SGCZ: variants seen among roughly 807,000 people sequenced by gnomAD.
The protein encoded by SGCZ is sarcoglycan zeta, also known as zeta-sarcoglycan.
A neutral mutation model predicts 41.3 loss-of-function variants in SGCZ; 40 were observed. The ratio of observed to expected loss-of-function variants is 0.97; its 90% CI spans 0.75 to 1.26. The LOEUF is 1.26. SGCZ is among the 50% of genes most tolerant of loss of function. The probability of loss-of-function intolerance (pLI) is 0.00; values close to 1 mark genes in which losing one functional copy is unlikely to be tolerated. For missense variants in SGCZ, 552 were observed against 369.8 expected, an observed-to-expected ratio of 1.49 and a Z score of -4.04; for synonymous variants, 206 against 137.5, an observed-to-expected ratio of 1.50 and a Z score of -3.49.
intron 2 of SGCZ, among the ~76,000 whole-genome samples, chr8:14,351,187 T>G (rs936398185): frequency 6.6e-6 from 1 of 152,214 alleles, no homozygotes; most frequent in Admixed American, 6.5e-5. Flanking sequence ...AAGAGCTACA[T>G]TCTTATTACT....
At chr8:14,488,328 C>T (rs1801738584) in intron 2 of SGCZ, among the ~76,000 whole-genome samples, 1 of 152,196 alleles carries the variant, frequency 6.6e-6, no homozygotes, top group Admixed American at 6.5e-5. Flanking sequence ...TTCTGCGTCC[C>T]ATCGCCACGG....
rs996103553 is a variant in SGCZ, at chr8:14,815,757, C to T, written c.40-260831G>A. 1.4e-4 allele frequency among the ~76,000 whole-genome samples: 21 copies of T among 152,236 alleles called. No homozygotes were observed. The East Asian group carries it at 4.1e-3, about 29-fold the overall frequency. ...GTGACTAAAATATTACAAATGAGGG[C>T]AATCTATTATACTATCTGATAATAT... On this transcript the variant is annotated intron_variant, in intron 1 of 7. Transcript: ENST00000382080.
At chr8:14,103,513 T>A (rs547888921) in intron 6 of SGCZ, among the ~76,000 whole-genome samples, 1 of 152,164 alleles carries the variant, frequency 6.6e-6, no homozygotes, top group African/African-American at 2.4e-5. Flanking sequence ...CAGAGTTGTT[T>A]TGCAGAAAGA....
Position 14,680,963 on chromosome 8 carries a change from G to GAAAAAAAAAAAAAAAAAAAAA in SGCZ, c.40-126038_40-126037insTTTTTTTTTTTTTTTTTTTTT, listed in dbSNP as rs374278969. On this transcript the variant is annotated intron_variant, in intron 1 of 7. Coordinates refer to ENST00000382080, the MANE Select transcript of SGCZ (RefSeq NM_139167.4). Reference sequence around the variant, plus strand: ...TGAAACATACAGAGGAAAAAGAGTGGGAAAAAAAAAAAAAAAAACAGAAAA... The same window carrying GAAAAAAAAAAAAAAAAAAAAA: ...TGAAACATACAGAGGAAAAAGAGTGGAAAAAAAAAAAAAAAAAAAAAGAAAAAAAAAAAAAAAAACAGAAAA... Among the ~76,000 whole-genome samples the GAAAAAAAAAAAAAAAAAAAAA allele has an allele frequency of 8.5e-5, 9 of 106,182 alleles. 1 individual carries two copies. The highest frequency in any genetic ancestry group is 1.7e-4 in the African/African-American group (4 of 22,924). The allele number at this position is 106,182 out of a possible 152,430, so 69.7% of individuals were successfully genotyped here. A position where few individuals can be genotyped will look rare whatever the true frequency, so the allele number is the denominator to read the frequency against.
chr8:14,341,488 G>A (rs563723503), intron 2 of SGCZ, among the ~76,000 whole-genome samples: 8 of 152,178 alleles, frequency 5.3e-5, no homozygotes, highest in Admixed American at 2.0e-4. Context: ...GTGAAGTGGG[G>A]TAACATCATT....
chr8:15,182,155 A>G (rs1800198372), intron 1 of SGCZ, among the ~76,000 whole-genome samples: 2 of 152,214 alleles, frequency 1.3e-5, no homozygotes, highest in Non-Finnish European at 2.9e-5. Flanking sequence ...ATAAAACTAA[A>G]TATGTGTACC....
At chr8:14,495,437 A>C (rs1252630358) in intron 2 of SGCZ, among the ~76,000 whole-genome samples, 1 of 152,186 alleles carries the variant, frequency 6.6e-6, no homozygotes, top group African/African-American at 2.4e-5. Context: ...CCCACTGAAA[A>C]ATCAAATAGA....
At chr8:14,851,718 T>G (rs191075786) in intron 1 of SGCZ, among the ~76,000 whole-genome samples, 1 of 152,330 alleles carries the variant, frequency 6.6e-6, no homozygotes, top group East Asian at 1.9e-4. Context: ...TCCATTTATA[T>G]ATATCTATCC....
intron 1 of SGCZ, among the ~76,000 whole-genome samples, chr8:14,929,992 A>C (rs183784675): frequency 6.6e-6 from 1 of 152,194 alleles, no homozygotes; most frequent in African/African-American, 2.4e-5. Flanking sequence ...TAATCAAGAT[A>C]AATCCTGACA....
In SGCZ at chr8:15,215,034, A is replaced by C. The variant is rs1033380020; in HGVS notation, c.39+22551T>G. ...GCTTCTTTAATTAAATGAGCAGGAT[A>C]GTTTGCATCTTTTAACATTTAATCT... On this transcript the variant is annotated intron_variant, in intron 1 of 7. Transcript: ENST00000382080. Among the ~76,000 whole-genome samples the C allele has an allele frequency of 4.6e-5, 7 of 152,182 alleles. No individual in the cohort carries two copies. In the East Asian group the frequency reaches 1.2e-3, roughly 25 times the overall value.
intron 1 of SGCZ, among the ~76,000 whole-genome samples, chr8:14,915,752 C>T (rs546278403): frequency 8.5e-5 from 13 of 152,224 alleles, no homozygotes; most frequent in African/African-American, 2.9e-4. Flanking sequence ...TGGTCCCTGC[C>T]TCCCTGCTTT....
chr8:14,833,339 A>C (rs1292910332), intron 1 of SGCZ, among the ~76,000 whole-genome samples: 1 of 152,138 alleles, frequency 6.6e-6, no homozygotes, highest in African/African-American at 2.4e-5. Flanking sequence ...AAAACCATCT[A>C]AGCGCACTGA....
intron 1 of SGCZ, among the ~76,000 whole-genome samples, chr8:15,017,210 C>T (rs1184072511): frequency 1.3e-5 from 2 of 152,096 alleles, no homozygotes; most frequent in Non-Finnish European, 2.9e-5. Flanking sequence ...ATTTAGTTGC[C>T]TCATCAGTAA....
intron 2 of SGCZ, among the ~76,000 whole-genome samples, chr8:14,371,512 T>C (rs1193964644): frequency 6.9e-6 from 1 of 145,562 alleles, no homozygotes; most frequent in Non-Finnish European, 1.6e-5. Context: ...AAATTTCGTA[T>C]GTAAATATAA....
rs1177218101 is a variant in SGCZ, at chr8:14,473,695, T to C, written c.234+81037A>G. ...TCTCAAGCCTGTAATCCCAGCACTT[T>C]GGGAGGTCGAGGTGGGTGGATCACG... On this transcript the variant is annotated intron_variant, in intron 2 of 7. Transcript: ENST00000382080. Among the ~76,000 whole-genome samples the C allele has an allele frequency of 2.6e-5, 4 of 152,144 alleles. No homozygotes were observed. In the South Asian group the frequency reaches 6.2e-4, roughly 24 times the overall value.
At chr8:14,196,157 C>T (rs1293441449) in intron 4 of SGCZ, among the ~76,000 whole-genome samples, 1 of 151,612 alleles carries the variant, frequency 6.6e-6, no homozygotes, top group Non-Finnish European at 1.5e-5. Context: ...TGAAGATGGA[C>T]ATAGATAAGC....
intron 2 of SGCZ, among the ~76,000 whole-genome samples, chr8:14,490,908 T>G (rs1801823746): frequency 6.6e-6 from 1 of 152,210 alleles, no homozygotes; most frequent in African/African-American, 2.4e-5. Context: ...AGCTAAAATC[T>G]TAAGTGCTGT....
chr8:14,480,823 C>G (rs1305435753), intron 2 of SGCZ, among the ~76,000 whole-genome samples: 1 of 151,890 alleles, frequency 6.6e-6, no homozygotes, highest in East Asian at 1.9e-4. Flanking sequence ...TCACATATGT[C>G]TTTAATTATC....
intron 1 of SGCZ, among the ~76,000 whole-genome samples, chr8:14,681,518 G>A (rs1363957567): frequency 6.6e-6 from 1 of 152,132 alleles, no homozygotes; most frequent in East Asian, 1.9e-4. Context: ...CTATGTATAT[G>A]TTACCTTGCC....
Sources: allele counts gnomAD v4.1 joint callset (sites outside exome capture counted in the v4.1 genomes callset), GRCh38; gene constraint gnomAD v4.1.1; transcripts MANE v1.5; gene names NCBI Gene and HGNC (gene_info 2026-07-23, HGNC 2026-07-21).